ADAMTSL1: variants seen among roughly 807,000 people sequenced by gnomAD.
ADAMTSL1 encodes the protein ADAMTS like 1, also known as ADAMTS-like protein 1.
ADAMTSL1 carries 126 observed loss-of-function variants against 201.8 expected under a neutral mutation model. That is an observed-to-expected ratio of 0.62 (90% CI 0.54 to 0.72). The LOEUF is 0.72. ADAMTSL1 is among the 30% of genes least tolerant of loss of function. ADAMTSL1 has a pLI of 0.00. For synonymous variants in ADAMTSL1, 1,121 were observed against 903.4 expected, an observed-to-expected ratio of 1.24 and a Z score of -4.32; for missense variants, 2,679 against 2,277.8, an observed-to-expected ratio of 1.18 and a Z score of -3.59.
chr9:18,014,581 TGAAA>T (rs1379082386), intron 1 of ADAMTSL1, among the ~76,000 whole-genome samples: 5 of 152,094 alleles, frequency 3.3e-5, no homozygotes, highest in Non-Finnish European at 7.4e-5. Context: ...TGGGTATGTG[TGAAA>T]GACTCAAAAG....
intron 1 of ADAMTSL1, among the ~76,000 whole-genome samples, chr9:18,498,072 A>G (rs534944421): frequency 1.1e-4 from 16 of 152,200 alleles, no homozygotes; most frequent in Non-Finnish European, 1.6e-4. Context: ...TTTATACAAA[A>G]TTCACATACT....
At chr9:17,908,278 A>G (rs931157183) in intron 1 of ADAMTSL1, among the ~76,000 whole-genome samples, 1 of 152,202 alleles carries the variant, frequency 6.6e-6, no homozygotes, top group Non-Finnish European at 1.5e-5. Context: ...ATGGCTGCAC[A>G]GTAGAATTAC....
chr9:18,208,757 T>C (rs550990055), intron 2 of ADAMTSL1, among the ~76,000 whole-genome samples: 26 of 152,260 alleles, frequency 1.7e-4, no homozygotes, highest in African/African-American at 6.3e-4. Context: ...GAAGAAAATA[T>C]CATAATAATA....
intron 3 of ADAMTSL1, among the ~76,000 whole-genome samples, chr9:18,566,502 TG>T (rs1395711579): frequency 6.6e-6 from 1 of 152,134 alleles, no homozygotes; most frequent in African/African-American, 2.4e-5. Flanking sequence ...GCAGTGGGAA[TG>T]GGATTGCAGT....
At chr9:17,962,263 A>G (rs559435265) in intron 1 of ADAMTSL1, among the ~76,000 whole-genome samples, 2 of 152,204 alleles carry the variant, frequency 1.3e-5, no homozygotes, top group Non-Finnish European at 2.9e-5. Context: ...TGGGAGGGCA[A>G]GGAAGCCCTG....
chr9:18,846,201 T>C (rs973474053), intron 23 of ADAMTSL1, among the ~76,000 whole-genome samples: 1 of 152,192 alleles, frequency 6.6e-6, no homozygotes, highest in Non-Finnish European at 1.5e-5. Flanking sequence ...AAATTGATGT[T>C]TGTAGTCCTT....
chr9:18,440,244 A>G (rs1406714484), intron 2 of ADAMTSL1, among the ~76,000 whole-genome samples: 1 of 152,182 alleles, frequency 6.6e-6, no homozygotes, highest in Non-Finnish European at 1.5e-5. Flanking sequence ...CACTAGAACC[A>G]GACTCATGAG....
chr9:18,185,381 C>G (rs1322560350), intron 2 of ADAMTSL1, among the ~76,000 whole-genome samples: 1 of 152,082 alleles, frequency 6.6e-6, no homozygotes, highest in African/African-American at 2.4e-5. Context: ...AAACACTTCC[C>G]CTGATGAGTC....
intron 3 of ADAMTSL1, among the ~76,000 whole-genome samples, chr9:18,555,388 A>T (rs1821044596): frequency 1.3e-5 from 2 of 151,934 alleles, no homozygotes; most frequent in Non-Finnish European, 2.9e-5. Flanking sequence ...ACAATTTTTT[A>T]AATTTTTATT....
chr9:18,714,921 C>T (rs1200497552), intron 14 of ADAMTSL1, among the ~76,000 whole-genome samples: 48 of 145,278 alleles, frequency 3.3e-4, no homozygotes, highest in Non-Finnish European at 4.2e-4. Flanking sequence ...GGCTTCATCC[C>T]TGGGATGCAA....
At chr9:18,787,763 T>C (rs569662048) in intron 19 of ADAMTSL1, among the ~76,000 whole-genome samples, 6 of 152,178 alleles carry the variant, frequency 3.9e-5, no homozygotes, top group African/African-American at 1.4e-4. Flanking sequence ...ATGCTAGTTT[T>C]CCAATAAAAC....
At chr9:18,052,087 A>G (rs1234490951) in intron 1 of ADAMTSL1, among the ~76,000 whole-genome samples, 4 of 152,258 alleles carry the variant, frequency 2.6e-5, no homozygotes, top group Non-Finnish European at 5.9e-5. Flanking sequence ...GGCAGAGTGC[A>G]AGTGCAGAAG....
chr9:18,643,269 T>A (rs915035542), intron 7 of ADAMTSL1, among the ~76,000 whole-genome samples: 1 of 152,096 alleles, frequency 6.6e-6, no homozygotes, highest in African/African-American at 2.4e-5. Flanking sequence ...TCAGTCAGAT[T>A]GTTTTCTTGC....
chr9:18,656,345 G>C (rs1241824550), intron 7 of ADAMTSL1, among the ~76,000 whole-genome samples: 1 of 151,908 alleles, frequency 6.6e-6, no homozygotes, highest in Admixed American at 6.6e-5. Flanking sequence ...AAAATGGTAA[G>C]ACTTGGCCAG....
At chr9:18,189,544 A>AC (rs543259278) in intron 2 of ADAMTSL1, among the ~76,000 whole-genome samples, 149 of 152,070 alleles carry the variant, frequency 9.8e-4, no homozygotes, top group African/African-American at 3.3e-3. Context: ...GCCCTTTTCC[A>AC]CCCCCAATTT....
At chr9:18,140,224 C>T (rs1248113789) in intron 1 of ADAMTSL1, among the ~76,000 whole-genome samples, 5 of 152,132 alleles carry the variant, frequency 3.3e-5, no homozygotes, top group East Asian at 1.9e-4. Context: ...AGTGGGAAAA[C>T]GTTTCTAAGA....
chr9:18,588,242 T>C (rs1011941229), intron 4 of ADAMTSL1, among the ~76,000 whole-genome samples: 1 of 152,224 alleles, frequency 6.6e-6, no homozygotes, highest in African/African-American at 2.4e-5. Flanking sequence ...TTTTTTTACA[T>C]GCCTGTCAGC....
At chr9:18,375,036 G>A (rs1054192305) in intron 2 of ADAMTSL1, among the ~76,000 whole-genome samples, 3 of 152,170 alleles carry the variant, frequency 2.0e-5, no homozygotes, top group Non-Finnish European at 4.4e-5. Context: ...CAGGGCACTG[G>A]GAAACATCTT....
intron 13 of ADAMTSL1, among the ~76,000 whole-genome samples, chr9:18,689,551 G>A (rs75519903): frequency 0.015 from 2,284 of 152,168 alleles, 47 homozygotes; most frequent in African/African-American, 0.051. Flanking sequence ...AAGAAAAAAA[G>A]GTATAGTCTG....
Sources: gnomAD v4.1 joint callset for allele counts (sites outside exome capture counted in the v4.1 genomes callset) on GRCh38, gnomAD v4.1.1 for gene constraint, MANE v1.5 for transcripts, NCBI Gene and HGNC (gene_info 2026-07-23, HGNC 2026-07-21) for gene names.